MED23: variants seen among roughly 807,000 people sequenced by gnomAD.
The protein encoded by MED23 is mediator of RNA polymerase II transcription subunit 23.
In MED23, 105 loss-of-function variants were observed where a neutral mutation model predicts 163.9. The ratio of observed to expected loss-of-function variants is 0.64; its 90% CI spans 0.55 to 0.75. The LOEUF (loss-of-function observed/expected upper bound fraction) is 0.75. Ranked by LOEUF, MED23 falls within the 30% of genes least tolerant of loss-of-function variation. MED23 has a pLI of 0.00. For missense variants in MED23, 1,054 were observed against 1,649.0 expected (o/e 0.64, Z 6.25); for synonymous variants, 561 against 565.6 (o/e 0.99, Z 0.12).
At chr6:131,596,372 C>A in intron 21 of MED23, 146 bp downstream of exon 21, 11 of 1,008,142 alleles carry the variant, frequency 1.1e-5, no homozygotes, top group Non-Finnish European at 1.7e-5. Flanking sequence ...AACTCTCAAA[C>A]CTTGAAGAAG....
chr6:131,618,758 G>A (rs528148422), intron 8 of MED23, among the ~76,000 whole-genome samples: 1 of 152,250 alleles, frequency 6.6e-6, no homozygotes, highest in Admixed American at 6.5e-5. Context: ...AAATGTCTAG[G>A]GCAGAGATCA....
intron 26 of MED23, among the ~76,000 whole-genome samples, chr6:131,590,834 G>T (rs564238973): frequency 6.6e-6 from 1 of 152,176 alleles, no homozygotes; most frequent in South Asian, 2.1e-4. Context: ...GGCCAGGATG[G>T]TCTCAATCTC....
downstream of MED23, chr6:131,583,208 A>T (rs1422811913): frequency 6.3e-7 from 1 of 1,597,136 alleles, no homozygotes; most frequent in East Asian, 2.2e-5. Flanking sequence ...GCAACAGAAA[A>T]GGTTGCTACT....
intron 2 of MED23, 29 bp downstream of exon 2, chr6:131,627,612 A>T: frequency 6.2e-7 from 1 of 1,612,684 alleles, no homozygotes; most frequent in Non-Finnish European, 8.5e-7. Context: ...TCACATAAAA[A>T]CACAAAACTC....
chr6:131,623,349 A>G lies in MED23; in HGVS notation c.396+2T>C. ...TCACTTTTTATAATAAGAAAAATAT[A>G]CCTTGTAATCCACTCCCCCAATTAT... is the stretch of plus-strand genomic sequence containing the variant. On this transcript the variant is annotated splice_donor_variant, in intron 5 of 28. Transcript: ENST00000368068. LOFTEE classifies it high-confidence loss of function. 6.2e-7 allele frequency: 1 copy of G among 1,608,244 alleles called. No homozygotes were observed. Among genetic ancestry groups the G allele is most frequent in the African/African-American group, 1.3e-5 (1 of 74,886 alleles).
At chr6:131,615,366 A>G in intron 10 of MED23, 1 of 1,609,042 alleles carries the variant, frequency 6.2e-7, no homozygotes, top group Non-Finnish European at 8.5e-7. Flanking sequence ...GATGGGCAGG[A>G]CAAGACAGGA....
rs746808551 is a variant in MED23 at position 131,627,377 on chromosome 6, T to C, written c.159+19A>G. 2.5e-6 allele frequency: 4 copies of C among 1,591,170 alleles called. No individual in the cohort carries two copies. Among genetic ancestry groups the C allele is most frequent in the African/African-American group, 2.7e-5 (2 of 73,316 alleles). ...GGCCAAAAATCATCAGCTGAATGTA[T>C]TAAAAATGAAGCGCTCACCTGAGAA... On this transcript the variant is annotated intron_variant, in intron 3 of 28. Transcript: ENST00000368068.
At chr6:131,604,119 G>C in intron 15 of MED23, 59 bp downstream of exon 15, 1 of 1,577,588 alleles carries the variant, frequency 6.3e-7, no homozygotes, top group Non-Finnish European at 8.7e-7. Context: ...ACCTAGAAAA[G>C]TAACTTTAGA....
At chr6:131,626,844 G>A (rs1333867635) in intron 3 of MED23, 1 of 154,396 alleles carries the variant, frequency 6.5e-6, no homozygotes, top group African/African-American at 2.4e-5. Context: ...AGAAGGTAAG[G>A]CACTACTGCA....
Position 131,594,264 on chromosome 6 carries a change from T to G in MED23, c.3067A>C (p.Lys1023Gln). 1 of 1,614,186 alleles carries G rather than the reference T, an allele frequency of 6.2e-7. No homozygotes were observed. The highest frequency in any genetic ancestry group is 1.1e-5 in the South Asian group (1 of 91,088). Residue 1023 changes from lysine (K) to glutamine (Q), a missense_variant, in exon 23 of 29, where the codon AAA (lysine) becomes CAA (glutamine). By Grantham distance (53) the Lys-to-Gln change is moderately conservative. Transcript: ENST00000368068. ...ATGATCGCATGGACGAGTTTTCGTT[T>G]GAGAAATGCGCGGTCTCTCAGGTGC... ...EMHLRDRAFL[K>Q]RKLVHAIIGS...
downstream of MED23, chr6:131,583,041 C>A (rs746467226): frequency 1.5e-5 from 23 of 1,559,122 alleles, no homozygotes; most frequent in Non-Finnish European, 2.0e-5. Flanking sequence ...TTATAATTAT[C>A]TTAATTTCTC....
intron 4 of MED23, among the ~76,000 whole-genome samples, chr6:131,624,467 C>T (rs1266656770): frequency 6.6e-6 from 1 of 152,174 alleles, no homozygotes; most frequent in Non-Finnish European, 1.5e-5. Context: ...CATGCTCCAG[C>T]CCTAGCCACA....
intron 30 of MED23, among the ~76,000 whole-genome samples, chr6:131,577,966 C>G (rs1773708544): frequency 6.6e-6 from 1 of 150,494 alleles, no homozygotes; most frequent in Non-Finnish European, 1.5e-5. Context: ...TGGTAGATCT[C>G]AAAAGCAGCA....
At position 131,598,248 on chromosome 6, in the gene MED23, G is replaced by T; in HGVS notation, c.2607+39C>A. ...ATAACATATATTAGTCATACATCTTGATCTAAGAGAATAAGCTTAGAAATG... is the reference window on the plus strand; with the variant it reads ...ATAACATATATTAGTCATACATCTTTATCTAAGAGAATAAGCTTAGAAATG... On this transcript the variant is annotated intron_variant, in intron 20 of 28. Coordinates refer to ENST00000368068, the MANE Select transcript of MED23 (RefSeq NM_004830.4). The surrounding 1 kb of genome is among the most constrained non-coding windows in gnomAD (Gnocchi z 4.7). 1 of 1,562,798 alleles carries T rather than the reference G, an allele frequency of 6.4e-7. No individual in the cohort carries two copies.
At chr6:131,612,649 T>C (rs1479612463) in intron 10 of MED23, among the ~76,000 whole-genome samples, 2 of 152,146 alleles carry the variant, frequency 1.3e-5, no homozygotes, top group Non-Finnish European at 2.9e-5. Flanking sequence ...AAACCTGTTT[T>C]AAGAATATTT....
intron 30 of MED23, among the ~76,000 whole-genome samples, chr6:131,580,569 G>A: frequency 6.6e-6 from 1 of 152,168 alleles, no homozygotes; most frequent in East Asian, 1.9e-4. Flanking sequence ...TAACTTCTGT[G>A]CAAGATATCA....
In MED23 at chr6:131,626,035, C is replaced by T. The variant is rs542305728; in HGVS notation, c.160-1046G>A. Among the ~76,000 whole-genome samples, 11 of 148,608 alleles carry T rather than the reference C, an allele frequency of 7.4e-5. No homozygotes were observed. In the South Asian group the frequency reaches 1.3e-3, roughly 17 times the overall value. On this transcript the variant is annotated intron_variant, in intron 3 of 28. Coordinates refer to ENST00000368068, the MANE Select transcript of MED23 (RefSeq NM_004830.4). ...TACTCGGGAGGCTGAGGCAGGAGAACGGCGTGAACCCGAGAGGCAGAGGTT... is the reference window on the plus strand; with the variant it reads ...TACTCGGGAGGCTGAGGCAGGAGAATGGCGTGAACCCGAGAGGCAGAGGTT...
intron 10 of MED23, among the ~76,000 whole-genome samples, chr6:131,615,074 AAAAAAAAAAAAG>A (rs1388443978): frequency 2.0e-5 from 3 of 149,914 alleles, no homozygotes; most frequent in Admixed American, 6.6e-5. Flanking sequence ...ACCAAAAAAA[AAAAAAAAAAAAG>A]AAAAAAAAAG....
In MED23 at chr6:131,602,349, G is replaced by A. The variant is rs1775546873; in HGVS notation, c.1964C>T (p.Ala655Val). The change falls in exon 17 of 29, where the codon GCA (alanine) becomes GTA (valine). Residue 655 changes from alanine (A) to valine (V), a missense_variant. Transcript: ENST00000368068. ...VESTALRLIT[A>V]LGSSEVQPQF... ...CGGTTGTACCTCTGAGCTACCTAAT[G>A]CTGTTATAAGCCTGAGAGCAGTGCT... The A allele has an allele frequency of 6.2e-7, 1 of 1,613,646 alleles. No individual in the cohort carries two copies. Among genetic ancestry groups the A allele is most frequent in the Non-Finnish European group, 8.5e-7 (1 of 1,179,766 alleles).
Sources: gnomAD v4.1 joint callset for allele counts (sites outside exome capture counted in the v4.1 genomes callset) on GRCh38, gnomAD v4.1.1 for gene constraint, Gnocchi (gnomAD v3.1) non-coding constraint, MANE v1.5 for transcripts, NCBI Gene and HGNC (gene_info 2026-07-23, HGNC 2026-07-21) for gene names.